TET2: variants seen among roughly 807,000 people sequenced by gnomAD.
The protein encoded by TET2 is methylcytosine dioxygenase TET2.
In TET2, 299 loss-of-function variants were observed where a neutral mutation model predicts 142.9. That is an observed-to-expected ratio of 2.09 (90% CI 1.90 to 2.30). The LOEUF (loss-of-function observed/expected upper bound fraction) is 2.30, where lower values mean the gene tolerates loss of function less well. Ranked by LOEUF, TET2 falls within the 30% of genes most tolerant of loss-of-function variation. The probability of loss-of-function intolerance (pLI) is 0.00; values close to 1 mark genes in which losing one functional copy is unlikely to be tolerated. For synonymous variants in TET2, 819 were observed against 849.0 expected (o/e 0.96, Z 0.61); for missense variants, 2,418 against 2,378.0 (o/e 1.02, Z -0.35).
At chr4:105,211,611 G>A (rs980911084) in intron 2 of TET2, among the ~76,000 whole-genome samples, 7 of 152,132 alleles carry the variant, frequency 4.6e-5, no homozygotes, top group Admixed American at 3.3e-4. Context: ...AGGTCTAAAT[G>A]AAAGGATAGT....
chr4:105,183,450 A>G (rs1725240506), intron 1 of TET2, among the ~76,000 whole-genome samples: 1 of 152,038 alleles, frequency 6.6e-6, no homozygotes, highest in Non-Finnish European at 1.5e-5. Context: ...TTTCCTATAT[A>G]TATTTTTTAT....
At chr4:105,184,067 C>T (rs563015677) in intron 1 of TET2, among the ~76,000 whole-genome samples, 12 of 152,058 alleles carry the variant, frequency 7.9e-5, no homozygotes, top group Admixed American at 2.0e-4. Flanking sequence ...CAGTCTCTGA[C>T]CAGTGAGGTC....
intron 2 of TET2, among the ~76,000 whole-genome samples, chr4:105,233,576 C>T (rs77376931): frequency 6.6e-6 from 1 of 152,062 alleles, no homozygotes; most frequent in African/African-American, 2.4e-5. Context: ...TTGTTTTTAG[C>T]ATTTTGGCAA....
At chr4:105,159,906 T>A (rs1723759684) in intron 1 of TET2, among the ~76,000 whole-genome samples, 2 of 151,700 alleles carry the variant, frequency 1.3e-5, no homozygotes, top group Admixed American at 6.6e-5. Flanking sequence ...TGGGAGACTG[T>A]GGCAGGAGAA....
intron 6 of TET2, among the ~76,000 whole-genome samples, chr4:105,251,294 A>G (rs10006721): frequency 0.081 from 12,369 of 152,148 alleles, 1,463 homozygotes; most frequent in African/African-American, 0.26. Context: ...AACAACTGCA[A>G]ACATCCTTGT....
intron 6 of TET2, among the ~76,000 whole-genome samples, chr4:105,257,263 G>C (rs1730183707): frequency 6.6e-6 from 1 of 152,110 alleles, no homozygotes; most frequent in Non-Finnish European, 1.5e-5. Context: ...GTGAGACCCT[G>C]TCTCTACAAA....
intron 6 of TET2, among the ~76,000 whole-genome samples, chr4:105,257,827 T>G (rs1264356021): frequency 6.6e-6 from 1 of 152,322 alleles, no homozygotes; most frequent in South Asian, 2.1e-4. Flanking sequence ...TGCCTATGAT[T>G]ATTTGACAAA....
upstream of TET2, chr4:105,146,755 C>T (rs1723037500): frequency 6.6e-6 from 1 of 152,076 alleles, no homozygotes; most frequent in Non-Finnish European, 1.5e-5. Flanking sequence ...CCGGGTCCCG[C>T]TCGCATGCAA....
intron 2 of TET2, among the ~76,000 whole-genome samples, chr4:105,198,328 C>T (rs1726215465): frequency 6.6e-6 from 1 of 152,058 alleles, no homozygotes. Flanking sequence ...AAGAGTGAAA[C>T]TCTGTCTCAA....
chr4:105,154,194 T>C (rs1723451290), intron 1 of TET2, among the ~76,000 whole-genome samples: 1 of 152,220 alleles, frequency 6.6e-6, no homozygotes, highest in African/African-American at 2.4e-5. Flanking sequence ...AAATGTTCTA[T>C]AATTAGATAG....
intron 2 of TET2, among the ~76,000 whole-genome samples, chr4:105,219,532 G>C (rs556289141): frequency 6.6e-6 from 1 of 152,164 alleles, no homozygotes; most frequent in Non-Finnish European, 1.5e-5. Context: ...AAAATGCTAG[G>C]TATGTCATGT....
In TET2 at chr4:105,259,628, C is replaced by G. The variant is rs533538484; in HGVS notation, c.3813C>G (p.Cys1271Trp). ...TCTTTTGATTTTTCAGGAGAACTTGCGCCTGTCAGGGGCTGGATCCAGAAA... is the reference window on the plus strand; with the variant it reads ...TCTTTTGATTTTTCAGGAGAACTTGGGCCTGTCAGGGGCTGGATCCAGAAA... ...RRCALNEERT[C>W]ACQGLDPETC... The change falls in exon 7 of 11, where the codon TGC becomes TGG. Residue 1271 changes from cysteine to tryptophan, a missense_variant. Coordinates refer to ENST00000380013, the MANE Select transcript of TET2 (RefSeq NM_001127208.3). The G allele has an allele frequency of 3.2e-6, 5 of 1,550,350 alleles. No individual in the cohort carries two copies. The highest frequency in any genetic ancestry group is 1.4e-5 in the African/African-American group (1 of 72,952).
intron 1 of TET2, among the ~76,000 whole-genome samples, chr4:105,176,770 A>C (rs1724820773): frequency 6.6e-6 from 1 of 152,172 alleles, no homozygotes; most frequent in African/African-American, 2.4e-5. Context: ...AAAGGATTCT[A>C]AAGTTTATAT....
Position 105,243,573 on chromosome 4 carries a change from G to A in TET2, c.3598G>A (p.Val1200Ile), listed in dbSNP as rs1039188540. Reference sequence around the variant, plus strand: ...GATGGAATGGTGATCCACGCAGGTGGTTCGCAGAAGCAGCAGTGAAGAGAA... The same window carrying A: ...GATGGAATGGTGATCCACGCAGGTGATTCGCAGAAGCAGCAGTGAAGAGAA... ...SQGCPIAKWV[V>I]RRSSSEEKLL... Residue 1200 changes from valine to isoleucine, a missense_variant, in exon 6 of 11, where the codon GTT (valine) becomes ATT (isoleucine). Val to Ile is a conservative substitution (Grantham distance 29). Coordinates refer to ENST00000380013, the MANE Select transcript of TET2 (RefSeq NM_001127208.3). 1 of 1,551,602 alleles carries A rather than the reference G, an allele frequency of 6.4e-7. No homozygotes were observed. Among genetic ancestry groups the A allele is most frequent in the Non-Finnish European group, 8.7e-7 (1 of 1,146,930 alleles).
intron 1 of TET2, among the ~76,000 whole-genome samples, chr4:105,163,852 AGAGTGTGTGTGTGTGTGT>A (rs1724008461): frequency 1.9e-5 from 2 of 105,876 alleles, no homozygotes; most frequent in South Asian, 6.0e-4. Flanking sequence ...AGAGAGAGAG[AGAGTGTGTGTGTGTGTGT>A]GTGTGTGTGT....
At chr4:105,164,498 TTTG>T (rs1483064230) in intron 1 of TET2, among the ~76,000 whole-genome samples, 1 of 152,198 alleles carries the variant, frequency 6.6e-6, no homozygotes, top group African/African-American at 2.4e-5. Context: ...TGAATAAATA[TTTG>T]TTTATTCTTC....
intron 2 of TET2, among the ~76,000 whole-genome samples, chr4:105,202,042 C>T (rs547052830): frequency 6.6e-6 from 1 of 152,118 alleles, no homozygotes; most frequent in East Asian, 1.9e-4. Context: ...CACACCCAGC[C>T]CCTCCGGAAT....
At chr4:105,163,834 A>T (rs1303694715) in intron 1 of TET2, among the ~76,000 whole-genome samples, 6 of 138,032 alleles carry the variant, frequency 4.3e-5, no homozygotes, top group African/African-American at 1.4e-4. Context: ...AGAGAGAGAG[A>T]GAGAGAGAGA....
chr4:105,173,659 G>A (rs973150761), intron 1 of TET2, among the ~76,000 whole-genome samples: 13 of 152,126 alleles, frequency 8.5e-5, no homozygotes, highest in African/African-American at 3.1e-4. Flanking sequence ...ATGCAAAGGT[G>A]ATGACATGAG....
Sources: gnomAD v4.1 joint callset for allele counts (sites outside exome capture counted in the v4.1 genomes callset) on GRCh38, gnomAD v4.1.1 for gene constraint, MANE v1.5 for transcripts, NCBI Gene and HGNC (gene_info 2026-07-23, HGNC 2026-07-21) for gene names.